ABCA1: variants seen among roughly 807,000 people sequenced by gnomAD.
ABCA1 encodes the protein ATP binding cassette subfamily A member 1.
ABCA1 carries 133 observed loss-of-function variants against 262.5 expected under a neutral mutation model. The ratio of observed to expected loss-of-function variants is 0.51; its 90% CI spans 0.44 to 0.59. The LOEUF (loss-of-function observed/expected upper bound fraction) is 0.59. Ranked by LOEUF, ABCA1 falls within the 20% of genes least tolerant of loss-of-function variation. The probability of loss-of-function intolerance (pLI) is 0.00; values close to 1 mark genes in which losing one functional copy is unlikely to be tolerated. For missense variants in ABCA1, 2,452 were observed against 2,777.5 expected (o/e 0.88, Z 2.63); for synonymous variants, 1,022 against 1,043.5 (o/e 0.98, Z 0.40).
intron 36 of ABCA1, 51 bp from the exon 37 acceptor site, chr9:104,798,649 G>A: frequency 6.5e-7 from 1 of 1,535,918 alleles, no homozygotes; most frequent in South Asian, 1.1e-5. Flanking sequence ...TGCAGTTAGG[G>A]CTCAATCAGT....
At chr9:104,793,016 C>G (rs1829563747) in intron 41 of ABCA1, 110 bp from the exon 42 acceptor site, 6 of 1,592,558 alleles carry the variant, frequency 3.8e-6, no homozygotes, top group Non-Finnish European at 5.2e-6. Context: ...CCAGGATGGG[C>G]AGGGAGGGGG....
Position 104,821,400 on chromosome 9 carries a change from GA to G in ABCA1, c.2934del (p.Gln980SerfsTer9), listed in dbSNP as rs1564130385. On this transcript the variant is annotated frameshift_variant, in exon 20 of 50. Coordinates refer to ENST00000374736, the MANE Select transcript of ABCA1 (RefSeq NM_005502.4). LOFTEE classifies it high-confidence loss of function. ...ATGTCAAACAGCACGTTATGCTGGG[GA>G]CAGACCCCCAGGTTCTGCCGGATGG... is the stretch of plus-strand genomic sequence containing the variant. Reference protein sequence around the residue: ...MSTIRQNLGVCPQHNVLFDML... With the variant: ...MSTIRQNLGVXPQHNVLFDML... The G allele has an allele frequency of 1.2e-5, 19 of 1,614,150 alleles. No homozygotes were observed. The highest frequency in any genetic ancestry group is 1.6e-5 in the Non-Finnish European group (19 of 1,180,044).
At chr9:104,865,639 C>G (rs1388168732) in intron 5 of ABCA1, among the ~76,000 whole-genome samples, 1 of 152,114 alleles carries the variant, frequency 6.6e-6, no homozygotes, top group Non-Finnish European at 1.5e-5. Context: ...ATACTGCACT[C>G]TCCTGTGAAA....
In ABCA1 at chr9:104,818,886, G is replaced by A; in HGVS notation, c.3242-3C>T. 1 of 1,610,704 alleles carries A rather than the reference G, an allele frequency of 6.2e-7. No homozygotes were observed. The highest frequency in any genetic ancestry group is 2.2e-5 in the East Asian group (1 of 44,790). ...TGTAGAGAGAATAATGGTGCGGCCT[G>A]CCAGGCACAAACACAAGGATGTGGG... On this transcript the variant is annotated splice_polypyrimidine_tract_variant and splice_region_variant and intron_variant, in intron 22 of 49. Transcript: ENST00000374736.
At chr9:104,799,656 T>G in intron 36 of ABCA1, 163 bp downstream of exon 36, 2 of 985,414 alleles carry the variant, frequency 2.0e-6, no homozygotes, top group Non-Finnish European at 2.4e-6. Flanking sequence ...ACCAGCCAAT[T>G]CGTAAACTTA....
Position 104,809,532 on chromosome 9 carries a change from T to C in ABCA1, c.4208A>G (p.Glu1403Gly), listed in dbSNP as rs1186261927. The C allele has an allele frequency of 6.2e-7, 1 of 1,614,182 alleles. No individual in the cohort carries two copies. Among genetic ancestry groups the C allele is most frequent in the Admixed American group, 1.7e-5 (1 of 60,008 alleles). The change falls in exon 30 of 50, where the codon GAA becomes GGA. Residue 1403 changes from glutamate to glycine, a missense_variant. Coordinates refer to ENST00000374736, the MANE Select transcript of ABCA1 (RefSeq NM_005502.4). ...NDAPEDTGTL[E>G]LLNALTKDPG... ...GTCTTTGGTGAGGGCGTTTAAGAGT[T>C]CCAGGGTTCCCGTGTCCTCAGGAGC...
chr9:104,856,346 G>T (rs546107505), intron 7 of ABCA1, among the ~76,000 whole-genome samples: 15 of 152,160 alleles, frequency 9.9e-5, no homozygotes, highest in African/African-American at 2.7e-4. Flanking sequence ...TAACAGCAGA[G>T]GGGCAGAAGC....
At chr9:104,913,200 T>A (rs1186862255) in intron 1 of ABCA1, among the ~76,000 whole-genome samples, 1 of 152,174 alleles carries the variant, frequency 6.6e-6, no homozygotes, top group Non-Finnish European at 1.5e-5. Context: ...CTTTCTTTCT[T>A]TTCCTTTGGG....
rs114620717 is a variant in ABCA1 at position 104,828,942 on chromosome 9, C to T, written c.2089G>A (p.Ala697Thr). ...ISSLIPLLVS[A>T]GLLVVILKLG... ...TTCAGGATGACCACTAGCAGGCCAG[C>T]GCTCACAAGAAGAGGAATGAGGCTA... Residue 697 changes from alanine (A) to threonine (T), a missense_variant, in exon 15 of 50, where the codon GCT becomes ACT. Ala to Thr is a moderately conservative substitution (Grantham distance 58). This residue lies in a region of ABCA1 where 1,032 missense variants were observed against 1,089.7 expected (regional missense o/e 0.95). Coordinates refer to ENST00000374736, the MANE Select transcript of ABCA1 (RefSeq NM_005502.4). 590 of 1,614,086 alleles carry T rather than the reference C, an allele frequency of 3.7e-4. No homozygotes were observed. The African/African-American group carries it at 6.8e-3, about 19-fold the overall frequency.
At chr9:104,886,286 T>C (rs1022375017) in intron 3 of ABCA1, among the ~76,000 whole-genome samples, 2 of 152,212 alleles carry the variant, frequency 1.3e-5, no homozygotes, top group African/African-American at 4.8e-5. Context: ...GAGAAGTTAA[T>C]CCAAAGTCAG....
intron 5 of ABCA1, among the ~76,000 whole-genome samples, chr9:104,867,898 T>C (rs1837233017): frequency 6.6e-6 from 1 of 152,148 alleles, no homozygotes; most frequent in Non-Finnish European, 1.5e-5. Flanking sequence ...GTAAAATGTG[T>C]GGGTTGGAGA....
intron 5 of ABCA1, among the ~76,000 whole-genome samples, chr9:104,878,071 GA>G (rs1194977937): frequency 1.3e-5 from 2 of 152,128 alleles, no homozygotes; most frequent in African/African-American, 2.4e-5. Context: ...CTCACCCAGA[GA>G]AACACTTATC....
chr9:104,856,168 C>G, intron 7 of ABCA1: 1 of 1,464,662 alleles, frequency 6.8e-7, no homozygotes, highest in East Asian at 2.4e-5. Flanking sequence ...TCAGTCCCAG[C>G]ATTCCAATTA....
chr9:104,915,345 C>T (rs900189065), intron 1 of ABCA1, among the ~76,000 whole-genome samples: 4 of 152,238 alleles, frequency 2.6e-5, no homozygotes, highest in Non-Finnish European at 5.9e-5. Context: ...AGGGCAAGCA[C>T]AGAGACACAG....
chr9:104,894,388 G>A (rs547287282), intron 2 of ABCA1, among the ~76,000 whole-genome samples: 1 of 152,230 alleles, frequency 6.6e-6, no homozygotes, highest in East Asian at 1.9e-4. Flanking sequence ...CAAGCCATTT[G>A]GAGCAGCTGA....
chr9:104,806,172 G>T, intron 31 of ABCA1, 69 bp downstream of exon 31: 2 of 1,491,220 alleles, frequency 1.3e-6, no homozygotes, highest in Non-Finnish European at 1.9e-6. Context: ...ACTCATTCCT[G>T]CTTCCAAGCG....
chr9:104,909,607 T>TACACACAC lies in ABCA1; in HGVS notation c.-92-5844_-92-5837dup, dbSNP rs59524252. 8.2e-4 allele frequency among the ~76,000 whole-genome samples: 110 copies of TACACACAC among 134,060 alleles called. 1 individual carries two copies. Among genetic ancestry groups the TACACACAC allele is most frequent in the South Asian group, 2.0e-3 (8 of 3,936 alleles). The allele number at this position is 134,060 out of a possible 152,430, so 87.9% of individuals were successfully genotyped here. ...GATTCAGTGATGCTGGCAAAAGAAATACACACACACACACACACACACACA... is the reference window on the plus strand; with the variant it reads ...GATTCAGTGATGCTGGCAAAAGAAATACACACACACACACACACACACACACACACACA... On this transcript the variant is annotated intron_variant, in intron 1 of 49. Transcript: ENST00000374736.
chr9:104,826,919 G>A (rs1204597348), intron 16 of ABCA1, 29 bp downstream of exon 16: 1 of 1,599,190 alleles, frequency 6.3e-7, no homozygotes, highest in South Asian at 1.1e-5. Flanking sequence ...AATGCCTACA[G>A]CCACTGAAGA....
chr9:104,830,676 C>A (rs912267624), intron 14 of ABCA1, among the ~76,000 whole-genome samples: 1 of 150,746 alleles, frequency 6.6e-6, no homozygotes, highest in Non-Finnish European at 1.5e-5. Context: ...GGCGTCAGAG[C>A]GAGACTCCAT....
Sources: allele counts gnomAD v4.1 joint callset (sites outside exome capture counted in the v4.1 genomes callset), GRCh38; gene constraint gnomAD v4.1.1; regional missense constraint gnomAD v4.1.1; transcripts MANE v1.5; gene names NCBI Gene and HGNC (gene_info 2026-07-23, HGNC 2026-07-21).